Variants in THSD7B observed in about 807,000 individuals in gnomAD.
THSD7B encodes thrombospondin type 1 domain containing 7B, also known as thrombospondin type-1 domain-containing protein 7B.
THSD7B carries 138 observed loss-of-function variants against 213.6 expected under a neutral mutation model. The observed-to-expected ratio is 0.65, with a 90% CI of 0.56 to 0.74. The LOEUF is 0.74. Among genes scored for constraint, THSD7B ranks in the 30% least tolerant of loss-of-function variants. THSD7B has a pLI of 0.00. For synonymous variants in THSD7B, 742 were observed against 687.0 expected, an observed-to-expected ratio of 1.08 and a Z score of -1.25; for missense variants, 1,931 against 1,991.5, an observed-to-expected ratio of 0.97 and a Z score of 0.58.
intron 12 of THSD7B, among the ~76,000 whole-genome samples, chr2:137,303,740 T>TTTTATATATATTTA (rs1553437375): frequency 7.7e-6 from 1 of 129,868 alleles, no homozygotes; most frequent in Non-Finnish European, 1.6e-5. Context: ...ATATATATAT[T>TTTTATATATATTTA]TATATATATA....
chr2:137,410,416 G>A lies in THSD7B; in HGVS notation c.2696-1193G>A, dbSNP rs138555816. On this transcript the variant is annotated intron_variant, in intron 13 of 27. Coordinates refer to ENST00000409968, the MANE Select transcript of THSD7B (RefSeq NM_001316349.2). ...CCTGAGTAGCTGGGATTACAGGCAC[G>A]TGCCACCACACCTGACTAATTTTTG... 9.5e-4 allele frequency among the ~76,000 whole-genome samples: 144 copies of A among 152,030 alleles called. 2 individuals are homozygous for A. The East Asian group carries it at 0.023, about 24-fold the overall frequency.
At chr2:137,096,162 G>T (rs529608608) in intron 4 of THSD7B, among the ~76,000 whole-genome samples, 57 of 152,260 alleles carry the variant, frequency 3.7e-4, no homozygotes, top group African/African-American at 1.3e-3. Flanking sequence ...CTGCTGAACA[G>T]CTGCCCTGAA....
intron 12 of THSD7B, among the ~76,000 whole-genome samples, chr2:137,298,542 CT>C (rs141421902): frequency 0.061 from 9,356 of 152,236 alleles, 540 homozygotes; most frequent in African/African-American, 0.14. Context: ...ATGTCAGAGA[CT>C]TTTCATGTCA....
chr2:137,632,645 G>GA (rs1420195849), intron 20 of THSD7B, among the ~76,000 whole-genome samples: 1 of 152,116 alleles, frequency 6.6e-6, no homozygotes, highest in African/African-American at 2.4e-5. Context: ...CTCTACCATT[G>GA]AAAAATCTGG....
At chr2:137,127,544 C>T (rs1175872219) in intron 5 of THSD7B, among the ~76,000 whole-genome samples, 1 of 152,108 alleles carries the variant, frequency 6.6e-6, no homozygotes, top group Non-Finnish European at 1.5e-5. Flanking sequence ...CTAATTCTAA[C>T]CTTCTGCTGG....
intron 12 of THSD7B, among the ~76,000 whole-genome samples, chr2:137,342,262 A>G (rs1305622149): frequency 6.6e-6 from 1 of 151,300 alleles, no homozygotes; most frequent in Non-Finnish European, 1.5e-5. Flanking sequence ...TTTTGTAGCT[A>G]TTGCAAATGA....
intron 16 of THSD7B, among the ~76,000 whole-genome samples, chr2:137,566,257 T>G (rs903587086): frequency 6.6e-6 from 1 of 152,218 alleles, no homozygotes; most frequent in Non-Finnish European, 1.5e-5. Context: ...CCTCTAAGAA[T>G]TGACAATATA....
intron 2 of THSD7B, among the ~76,000 whole-genome samples, chr2:136,949,196 C>G (rs1055028016): frequency 2.6e-5 from 4 of 152,186 alleles, no homozygotes; most frequent in Admixed American, 6.5e-5. Context: ...TTATTGTATC[C>G]TGCAATTGTG....
intron 2 of THSD7B, among the ~76,000 whole-genome samples, chr2:136,934,105 G>A (rs1448211356): frequency 1.3e-5 from 2 of 152,108 alleles, no homozygotes; most frequent in Non-Finnish European, 2.9e-5. Flanking sequence ...AGCATACAAA[G>A]TTAGAAAAAT....
intron 20 of THSD7B, among the ~76,000 whole-genome samples, chr2:137,641,136 T>C (rs1355088657): frequency 2.0e-5 from 3 of 152,218 alleles, no homozygotes; most frequent in African/African-American, 7.2e-5. Context: ...AGGATATAAA[T>C]GTAGAATCTT....
At chr2:137,412,656 C>A (rs1275354261) in intron 14 of THSD7B, among the ~76,000 whole-genome samples, 2 of 142,958 alleles carry the variant, frequency 1.4e-5, no homozygotes, top group Admixed American at 7.1e-5. Flanking sequence ...TATAAGTATA[C>A]CCAAGTTAAT....
chr2:137,220,027 C>G (rs1681333111), intron 7 of THSD7B, among the ~76,000 whole-genome samples: 2 of 152,162 alleles, frequency 1.3e-5, no homozygotes, highest in African/African-American at 4.8e-5. Flanking sequence ...AGAATTCACT[C>G]TATCCAAAAT....
chr2:137,524,534 T>A (rs1680244125), intron 15 of THSD7B, among the ~76,000 whole-genome samples: 1 of 152,128 alleles, frequency 6.6e-6, no homozygotes. Context: ...GCATCCTTGT[T>A]TATGTTTGCC....
chr2:136,931,015 C>A (rs1684619314), intron 2 of THSD7B, among the ~76,000 whole-genome samples: 1 of 151,864 alleles, frequency 6.6e-6, no homozygotes, highest in African/African-American at 2.4e-5. Context: ...ACTTTTTTTC[C>A]TGATTGTTCT....
chr2:137,500,053 C>T (rs1679664624), intron 15 of THSD7B, among the ~76,000 whole-genome samples: 1 of 151,996 alleles, frequency 6.6e-6, no homozygotes, highest in Non-Finnish European at 1.5e-5. Flanking sequence ...ATGACAAAAC[C>T]ATATGTTTCA....
chr2:137,201,009 C>G (rs1167445930), intron 7 of THSD7B, among the ~76,000 whole-genome samples: 3 of 152,230 alleles, frequency 2.0e-5, no homozygotes, highest in East Asian at 3.9e-4. Flanking sequence ...TCTGATTTTG[C>G]CTGTTTTTGA....
intron 15 of THSD7B, among the ~76,000 whole-genome samples, chr2:137,502,022 A>C (rs1679718867): frequency 6.6e-6 from 1 of 152,228 alleles, no homozygotes; most frequent in Non-Finnish European, 1.5e-5. Context: ...GTCTGCTTTC[A>C]GTGTTTATCC....
chr2:137,495,895 C>T (rs560683749), intron 15 of THSD7B, among the ~76,000 whole-genome samples: 9 of 152,194 alleles, frequency 5.9e-5, no homozygotes, highest in African/African-American at 1.2e-4. Context: ...CTGGCAAGCC[C>T]GCTAAATTTA....
At chr2:137,066,336 C>T (rs1183660369) in intron 3 of THSD7B, among the ~76,000 whole-genome samples, 2 of 151,814 alleles carry the variant, frequency 1.3e-5, no homozygotes, top group Non-Finnish European at 2.9e-5. Context: ...GGACTATAGT[C>T]ATGTGCCACC....
Sources: gnomAD v4.1 joint callset for allele counts (sites outside exome capture counted in the v4.1 genomes callset) on GRCh38, gnomAD v4.1.1 for gene constraint, MANE v1.5 for transcripts, NCBI Gene and HGNC (gene_info 2026-07-23, HGNC 2026-07-21) for gene names.